Variants in DNAH3 observed in about 807,000 individuals in gnomAD.
DNAH3 encodes the protein dynein axonemal heavy chain 3.
Under a neutral mutation model 432.5 loss-of-function variants are expected in DNAH3, and 332 were observed. That is an observed-to-expected ratio of 0.77 (90% CI 0.70 to 0.84). The LOEUF (loss-of-function observed/expected upper bound fraction) is 0.84, where lower values mean the gene tolerates loss of function less well. DNAH3 is among the 40% of genes least tolerant of loss of function. The pLI is 0.00. For synonymous variants in DNAH3, 1,956 were observed against 1,900.2 expected (o/e 1.03, Z -0.76); for missense variants, 4,861 against 5,114.0 (o/e 0.95, Z 1.51).
intron 41 of DNAH3, 70 bp downstream of exon 41, chr16:21,019,554 A>G (rs1360706812): frequency 6.4e-7 from 1 of 1,572,220 alleles, no homozygotes; most frequent in East Asian, 2.2e-5. Flanking sequence ...CTGTCTGCAC[A>G]TTCTGGTTGT....
intron 18 of DNAH3, among the ~76,000 whole-genome samples, chr16:21,095,473 A>G (rs1043138314): frequency 1.8e-4 from 28 of 152,326 alleles, no homozygotes; most frequent in African/African-American, 6.3e-4. Flanking sequence ...TTCCATTTGT[A>G]GGAGGAGCCT....
chr16:20,990,068 C>G (rs1487620197), intron 44 of DNAH3, among the ~76,000 whole-genome samples: 1 of 152,234 alleles, frequency 6.6e-6, no homozygotes, highest in Non-Finnish European at 1.5e-5. Flanking sequence ...CCGGCCTTGC[C>G]CAGCCCAGAA....
At chr16:21,053,893 C>G (rs1376327360) in intron 28 of DNAH3, among the ~76,000 whole-genome samples, 1 of 151,980 alleles carries the variant, frequency 6.6e-6, no homozygotes, top group Non-Finnish European at 1.5e-5. Context: ...AAGGCATCCT[C>G]TCTCACCACC....
chr16:20,935,340 AC>A lies in DNAH3; in HGVS notation c.11997+7del. Reference sequence around the variant, plus strand: ...CCCTTGAGTGAGCCTAACCCAAAGCACCCCTACCTCAAACTCAAATCCAATG... The same window carrying A: ...CCCTTGAGTGAGCCTAACCCAAAGCACCCTACCTCAAACTCAAATCCAATG... On this transcript the variant is annotated splice_region_variant and intron_variant, in intron 61 of 61. Transcript: ENST00000261383. 1 of 1,613,924 alleles carries A rather than the reference AC, an allele frequency of 6.2e-7. No homozygotes were observed. Among genetic ancestry groups the A allele is most frequent in the Non-Finnish European group, 8.5e-7 (1 of 1,179,982 alleles).
intron 51 of DNAH3, among the ~76,000 whole-genome samples, chr16:20,970,231 A>C (rs1442580982): frequency 1.3e-5 from 2 of 152,004 alleles, no homozygotes; most frequent in African/African-American, 4.8e-5. Context: ...CATTCAACTT[A>C]TTTGCTTTTT....
chr16:21,109,450 G>T (rs918399655), intron 14 of DNAH3, among the ~76,000 whole-genome samples: 1 of 152,100 alleles, frequency 6.6e-6, no homozygotes, highest in Non-Finnish European at 1.5e-5. Flanking sequence ...TGGGAAGATG[G>T]TCACTAGTAT....
Position 21,089,559 on chromosome 16 carries a change from A to G in DNAH3, c.2666-2499T>C, listed in dbSNP as rs186137023. On this transcript the variant is annotated intron_variant, in intron 18 of 61. Transcript: ENST00000261383. The stretch of plus-strand genomic sequence containing the variant: ...TTAAATTAGAAATAACAATAAAAAC[A>G]TAACAAGAAAATCTCCGGTGACTAG... Among the ~76,000 whole-genome samples the G allele has an allele frequency of 3.3e-5, 5 of 152,360 alleles. No individual in the cohort carries two copies. The South Asian group carries it at 8.3e-4, about 25-fold the overall frequency.
At chr16:21,027,651 C>T (rs771958736) in intron 37 of DNAH3, among the ~76,000 whole-genome samples, 17 of 152,114 alleles carry the variant, frequency 1.1e-4, no homozygotes, top group African/African-American at 1.7e-4. Flanking sequence ...ACCAGCATGG[C>T]CAACATGGTA....
intron 35 of DNAH3, among the ~76,000 whole-genome samples, chr16:21,035,929 G>A (rs553677272): frequency 7.9e-5 from 12 of 152,274 alleles, no homozygotes; most frequent in Admixed American, 2.0e-4. Flanking sequence ...TGATGATGAC[G>A]GAGATGGTGG....
chr16:20,944,670 G>A lies in DNAH3; in HGVS notation c.11344-7C>T. On this transcript the variant is annotated splice_region_variant and splice_polypyrimidine_tract_variant and intron_variant, in intron 57 of 61. Transcript: ENST00000261383. Reference sequence around the variant, plus strand: ...TGAGATAGTCGATATAGGACTGGAAGGGAAATCTTCAGTTGAAATCAACGA... The same window carrying A: ...TGAGATAGTCGATATAGGACTGGAAAGGAAATCTTCAGTTGAAATCAACGA... 1 of 1,613,864 alleles carries A rather than the reference G, an allele frequency of 6.2e-7. No homozygotes were observed. The highest frequency in any genetic ancestry group is 8.5e-7 in the Non-Finnish European group (1 of 1,179,930).
At chr16:21,156,934 ACT>A (rs35901569) in intron 1 of DNAH3, among the ~76,000 whole-genome samples, 71,028 of 150,806 alleles carry the variant, frequency 0.47, 17,190 homozygotes, top group East Asian at 0.68. Flanking sequence ...GGAAACCCTA[ACT>A]CAGCTTTCCA....
rs755309588 is a variant in DNAH3, at chr16:21,060,393, C to A, written c.3721-37G>T. 8 of 1,551,884 alleles carry A rather than the reference C, an allele frequency of 5.2e-6. No homozygotes were observed. The Admixed American group carries it at 1.3e-4, about 26-fold the overall frequency. On this transcript the variant is annotated intron_variant, in intron 25 of 61. Transcript: ENST00000261383. ...GACAGAGAGAGGGTGCAGCAGTCAA[C>A]CAAAGCCCAGAGGGAGGGAGAGTGG... is the stretch of plus-strand genomic sequence containing the variant.
intron 47 of DNAH3, 84 bp downstream of exon 47, chr16:20,987,221 G>A: frequency 2.6e-6 from 4 of 1,545,540 alleles, no homozygotes; most frequent in Non-Finnish European, 3.5e-6. Flanking sequence ...GTCTCCAACA[G>A]GAAGGGAACC....
intron 12 of DNAH3, among the ~76,000 whole-genome samples, chr16:21,116,874 T>C (rs1288845070): frequency 2.0e-5 from 3 of 152,224 alleles, no homozygotes; most frequent in South Asian, 2.1e-4. Flanking sequence ...GGATAATATA[T>C]GATATACGCA....
chr16:21,104,355 C>T (rs529405070), intron 16 of DNAH3, 116 bp downstream of exon 16: 12 of 836,994 alleles, frequency 1.4e-5, no homozygotes, highest in African/African-American at 6.7e-5. Flanking sequence ...TTTCAGACTT[C>T]GCCCACACGT....
At chr16:20,945,829 A>G (rs1386895757) in intron 57 of DNAH3, among the ~76,000 whole-genome samples, 1 of 152,140 alleles carries the variant, frequency 6.6e-6, no homozygotes. Flanking sequence ...GTTGTACTCT[A>G]TAGACTCGCC....
intron 24 of DNAH3, among the ~76,000 whole-genome samples, chr16:21,066,169 G>GT (rs1349843205): frequency 1.4e-4 from 20 of 145,284 alleles, no homozygotes; most frequent in African/African-American, 3.3e-4. Context: ...TTTTTTTTTT[G>GT]TTTTTTTTGG....
chr16:21,097,578 G>A (rs2091721604), intron 17 of DNAH3, 79 bp from the exon 18 acceptor site: 2 of 1,563,466 alleles, frequency 1.3e-6, no homozygotes, highest in Non-Finnish European at 1.7e-6. Context: ...AAATTCCTCA[G>A]TGCCTTGAAA....
rs1333764111 is a variant in DNAH3 at position 20,953,742 on chromosome 16, ATTTAT to A, written c.11071+1066_11071+1070del. On this transcript the variant is annotated intron_variant, in intron 55 of 61. Coordinates refer to ENST00000261383, the Ensembl canonical transcript of DNAH3. ...TTGTGCTACTATGTCAGGCTATTTT[ATTTAT>A]TTTAATTTTTTTTTTGAGACAATGT... 1.9e-4 allele frequency among the ~76,000 whole-genome samples: 28 copies of A among 150,364 alleles called. No individual in the cohort carries two copies. In the East Asian group the frequency reaches 4.5e-3, roughly 24 times the overall value.
Sources: allele counts gnomAD v4.1 joint callset (sites outside exome capture counted in the v4.1 genomes callset), GRCh38; gene constraint gnomAD v4.1.1; transcripts MANE v1.5; gene names NCBI Gene and HGNC (gene_info 2026-07-23, HGNC 2026-07-21).